The following ADAMTSL1 variants were observed in gnomAD, a reference collection of about 807,000 sequenced individuals.
ADAMTSL1 encodes the protein ADAMTS-like protein 1.
In ADAMTSL1, 126 loss-of-function variants were observed where a neutral mutation model predicts 201.8. The observed-to-expected ratio is 0.62, with a 90% CI of 0.54 to 0.72. ADAMTSL1 has a LOEUF of 0.72. Among genes scored for constraint, ADAMTSL1 ranks in the 30% least tolerant of loss-of-function variants. ADAMTSL1 has a pLI of 0.00. For missense variants in ADAMTSL1, 2,679 were observed against 2,277.8 expected (o/e 1.18, Z -3.59); for synonymous variants, 1,121 against 903.4 (o/e 1.24, Z -4.32).
chr9:18,309,080 A>G (rs1834018117), intron 2 of ADAMTSL1, among the ~76,000 whole-genome samples: 1 of 152,228 alleles, frequency 6.6e-6, no homozygotes, highest in South Asian at 2.1e-4. Flanking sequence ...ACCAATGACA[A>G]AAACCACATG....
At chr9:17,999,646 C>T (rs1480203614) in intron 1 of ADAMTSL1, among the ~76,000 whole-genome samples, 1 of 150,764 alleles carries the variant, frequency 6.6e-6, no homozygotes, top group Non-Finnish European at 1.5e-5. Context: ...GGTACATGTG[C>T]CCATTGTGCA....
chr9:18,041,388 G>A (rs894814647), intron 1 of ADAMTSL1, among the ~76,000 whole-genome samples: 1 of 152,056 alleles, frequency 6.6e-6, no homozygotes, highest in Non-Finnish European at 1.5e-5. Flanking sequence ...GCTTAAAATA[G>A]AAAAGTCAAT....
chr9:18,838,769 G>A (rs999017767), intron 23 of ADAMTSL1, among the ~76,000 whole-genome samples: 1 of 151,674 alleles, frequency 6.6e-6, no homozygotes, highest in African/African-American at 2.4e-5. Context: ...TGAGGTGGGA[G>A]GATCACATGA....
chr9:18,604,777 A>G (rs1044775215), intron 4 of ADAMTSL1, among the ~76,000 whole-genome samples: 2 of 152,206 alleles, frequency 1.3e-5, no homozygotes. Context: ...GATAGGCGCA[A>G]AAGTAGCATT....
At chr9:18,353,236 G>A (rs184995946) in intron 2 of ADAMTSL1, among the ~76,000 whole-genome samples, 54 of 152,328 alleles carry the variant, frequency 3.5e-4, no homozygotes, top group African/African-American at 1.2e-3. Flanking sequence ...GAAAACAGTA[G>A]TAGCAGCAGT....
At chr9:18,340,639 A>G (rs2132961698) in intron 2 of ADAMTSL1, among the ~76,000 whole-genome samples, 1 of 152,272 alleles carries the variant, frequency 6.6e-6, no homozygotes, top group Middle Eastern at 3.4e-3. Flanking sequence ...AGGTAATTGA[A>G]TCATGGGGAT....
At chr9:18,903,558 G>A (rs1043858283) in intron 26 of ADAMTSL1, among the ~76,000 whole-genome samples, 1 of 152,156 alleles carries the variant, frequency 6.6e-6, no homozygotes, top group Non-Finnish European at 1.5e-5. Flanking sequence ...GGGGCCCAGT[G>A]CAAAATGAAA....
chr9:18,453,095 C>G (rs975013390), intron 2 of ADAMTSL1, among the ~76,000 whole-genome samples: 1 of 152,226 alleles, frequency 6.6e-6, no homozygotes, highest in Non-Finnish European at 1.5e-5. Context: ...CCGCACAGCT[C>G]TTGCTCTCTG....
intron 2 of ADAMTSL1, among the ~76,000 whole-genome samples, chr9:18,450,603 T>C (rs1281586474): frequency 2.0e-5 from 3 of 151,560 alleles, no homozygotes; most frequent in Non-Finnish European, 4.4e-5. Context: ...TACATATATA[T>C]GTATGTATAT....
At position 18,905,982 on chromosome 9, in the gene ADAMTSL1, T is replaced by A. The variant is rs1048005563; in HGVS notation, c.4961+91T>A. 5 of 1,171,222 alleles carry A rather than the reference T, an allele frequency of 4.3e-6. No homozygotes were observed. The South Asian group carries it at 7.1e-5, about 17-fold the overall frequency. The allele number at this position is 1,171,222 out of a possible 1,614,324, so 72.6% of individuals were successfully genotyped here. A position where few individuals can be genotyped will look rare whatever the true frequency, so the allele number is the denominator to read the frequency against. On this transcript the variant is annotated intron_variant, in intron 27 of 28. Coordinates refer to ENST00000380548, the MANE Select transcript of ADAMTSL1 (RefSeq NM_001040272.6). Reference sequence around the variant, plus strand: ...GTGAATGTTTCTCCTCCAACTAACTTACCACAGTCCCAAGCCCTGCCTGGG... The same window carrying A: ...GTGAATGTTTCTCCTCCAACTAACTAACCACAGTCCCAAGCCCTGCCTGGG...
chr9:18,236,322 C>T (rs1830847256), intron 2 of ADAMTSL1, among the ~76,000 whole-genome samples: 1 of 152,218 alleles, frequency 6.6e-6, no homozygotes, highest in South Asian at 2.1e-4. Flanking sequence ...GAACCACCCA[C>T]CTCAGCCTCC....
chr9:18,624,975 C>A (rs1465023664), intron 5 of ADAMTSL1, among the ~76,000 whole-genome samples: 1 of 152,202 alleles, frequency 6.6e-6, no homozygotes, highest in Non-Finnish European at 1.5e-5. Context: ...ATGCACCTCA[C>A]CACAATCTAT....
At chr9:18,335,780 C>A (rs1684783084) in intron 2 of ADAMTSL1, among the ~76,000 whole-genome samples, 1 of 152,086 alleles carries the variant, frequency 6.6e-6, no homozygotes, top group Admixed American at 6.6e-5. Flanking sequence ...GGAGGTGCTA[C>A]CATATTTTAC....
At chr9:18,079,990 G>A (rs1370772766) in intron 1 of ADAMTSL1, among the ~76,000 whole-genome samples, 1 of 152,138 alleles carries the variant, frequency 6.6e-6, no homozygotes, top group African/African-American at 2.4e-5. Flanking sequence ...TTGACCAGGT[G>A]AGCTGAACAA....
intron 16 of ADAMTSL1, among the ~76,000 whole-genome samples, chr9:18,753,811 G>A (rs1362613124): frequency 6.6e-6 from 1 of 152,118 alleles, no homozygotes; most frequent in Admixed American, 6.5e-5. Flanking sequence ...TTAAAATCAA[G>A]ACAATGTGGT....
In ADAMTSL1 at chr9:18,781,250, G is replaced by C. The variant is rs1339815643; in HGVS notation, c.3677+3344G>C. Among the ~76,000 whole-genome samples, 4 of 152,306 alleles carry C rather than the reference G, an allele frequency of 2.6e-5. No homozygotes were observed. In the East Asian group the frequency reaches 5.8e-4, roughly 22 times the overall value. Reference sequence around the variant, plus strand: ...CATCATCCAGGACATCGTTGTGGGGGAGGGTAGCACTAAGAGGGTAAGAGG... The same window carrying C: ...CATCATCCAGGACATCGTTGTGGGGCAGGGTAGCACTAAGAGGGTAAGAGG... On this transcript the variant is annotated intron_variant, in intron 19 of 28. Coordinates refer to ENST00000380548, the MANE Select transcript of ADAMTSL1 (RefSeq NM_001040272.6).
chr9:18,288,080 A>G (rs1335037686), intron 2 of ADAMTSL1, among the ~76,000 whole-genome samples: 1 of 152,118 alleles, frequency 6.6e-6, no homozygotes, highest in Non-Finnish European at 1.5e-5. Context: ...GAGAGAGAGG[A>G]TGACAAACCA....
intron 2 of ADAMTSL1, among the ~76,000 whole-genome samples, chr9:18,193,656 A>G (rs759793085): frequency 1.3e-5 from 2 of 152,112 alleles, no homozygotes; most frequent in Admixed American, 6.6e-5. Flanking sequence ...TAGAACTACA[A>G]TTTGTCACAC....
intron 3 of ADAMTSL1, among the ~76,000 whole-genome samples, chr9:18,555,742 A>G (rs1175706028): frequency 6.6e-6 from 1 of 151,920 alleles, no homozygotes; most frequent in Non-Finnish European, 1.5e-5. Flanking sequence ...GGGGAATAAG[A>G]GGTGACCATA....
Sources: gnomAD v4.1 joint callset for allele counts (sites outside exome capture counted in the v4.1 genomes callset) on GRCh38, gnomAD v4.1.1 for gene constraint, MANE v1.5 for transcripts, NCBI Gene and HGNC (gene_info 2026-07-23, HGNC 2026-07-21) for gene names.